The following IMMP2L variants were observed in gnomAD, a reference collection of about 807,000 sequenced individuals.
The protein encoded by IMMP2L is mitochondrial inner membrane protease subunit 2.
In IMMP2L, 18 loss-of-function variants were observed where a neutral mutation model predicts 19.3. The observed-to-expected ratio is 0.93, with a 90% CI of 0.64 to 1.38. The LOEUF (loss-of-function observed/expected upper bound fraction) is 1.38, where lower values mean the gene tolerates loss of function less well. Ranked by LOEUF, IMMP2L falls within the 40% of genes most tolerant of loss-of-function variation. The probability of loss-of-function intolerance (pLI) is 0.00; values close to 1 mark genes in which losing one functional copy is unlikely to be tolerated. For missense variants in IMMP2L, 233 were observed against 218.2 expected (o/e 1.07, Z -0.43); for synonymous variants, 76 against 73.0 (o/e 1.04, Z -0.21).
intron 5 of IMMP2L, among the ~76,000 whole-genome samples, chr7:110,682,401 T>A (rs1792788241): frequency 6.6e-6 from 1 of 152,172 alleles, no homozygotes; most frequent in African/African-American, 2.4e-5. Context: ...CTTGTGAGCT[T>A]CTTGAAGCAG....
At chr7:110,796,800 T>C (rs1011507046) in intron 5 of IMMP2L, among the ~76,000 whole-genome samples, 1 of 152,034 alleles carries the variant, frequency 6.6e-6, no homozygotes, top group Non-Finnish European at 1.5e-5. Flanking sequence ...TTTCAATACT[T>C]GGTTAATTAA....
At chr7:111,056,724 G>A (rs948690819) in intron 3 of IMMP2L, among the ~76,000 whole-genome samples, 1 of 152,180 alleles carries the variant, frequency 6.6e-6, no homozygotes, top group African/African-American at 2.4e-5. Context: ...TTAGAATAAT[G>A]TAAGCTGGAG....
intron 3 of IMMP2L, among the ~76,000 whole-genome samples, chr7:111,010,586 A>G (rs1000445231): frequency 1.1e-4 from 17 of 152,238 alleles, no homozygotes; most frequent in Non-Finnish European, 1.5e-4. Flanking sequence ...ACTACTGATC[A>G]CAGTTTACGA....
intron 5 of IMMP2L, among the ~76,000 whole-genome samples, chr7:110,816,165 G>C (rs1253480901): frequency 6.6e-6 from 1 of 152,060 alleles, no homozygotes; most frequent in African/African-American, 2.4e-5. Context: ...GGTATGTTGT[G>C]TTTTTGTTCT....
intron 3 of IMMP2L, among the ~76,000 whole-genome samples, chr7:111,133,320 G>A (rs1425589394): frequency 6.6e-6 from 1 of 152,014 alleles, no homozygotes; most frequent in African/African-American, 2.4e-5. Flanking sequence ...TTTGGGGGGA[G>A]TACAACATTC....
intron 5 of IMMP2L, among the ~76,000 whole-genome samples, chr7:110,820,267 T>A (rs1802906751): frequency 6.6e-6 from 1 of 152,096 alleles, no homozygotes; most frequent in African/African-American, 2.4e-5. Context: ...TCAAGTATCA[T>A]TAAATATTCT....
chr7:111,408,500 T>C (rs1563155450), intron 3 of IMMP2L, among the ~76,000 whole-genome samples: 1 of 151,698 alleles, frequency 6.6e-6, no homozygotes, highest in Non-Finnish European at 1.5e-5. Context: ...ATCTCTATAA[T>C]AAAGATTTTT....
chr7:110,891,935 G>C (rs145964252), intron 4 of IMMP2L, among the ~76,000 whole-genome samples: 4 of 152,086 alleles, frequency 2.6e-5, no homozygotes, highest in African/African-American at 9.7e-5. Context: ...AAGAAACAAG[G>C]AATAGATAAT....
At chr7:111,124,731 G>C in intron 3 of IMMP2L, 1 of 1,613,900 alleles carries the variant, frequency 6.2e-7, no homozygotes, top group South Asian at 1.1e-5. Flanking sequence ...CTCCAGAAAT[G>C]AACTGTGATG....
At chr7:111,470,391 C>A (rs1841129270) in intron 3 of IMMP2L, among the ~76,000 whole-genome samples, 2 of 151,966 alleles carry the variant, frequency 1.3e-5, no homozygotes, top group African/African-American at 4.8e-5. Flanking sequence ...ACCCAAAGGA[C>A]TATAAATCAT....
chr7:111,384,224 G>A (rs977465647), intron 3 of IMMP2L, among the ~76,000 whole-genome samples: 3 of 104,080 alleles, frequency 2.9e-5, no homozygotes, highest in Non-Finnish European at 4.0e-5. Context: ...GAGGAGAGAG[G>A]AGAAAGGAGA....
intron 3 of IMMP2L, among the ~76,000 whole-genome samples, chr7:111,309,602 C>A (rs1823278067): frequency 6.6e-6 from 1 of 151,890 alleles, no homozygotes; most frequent in African/African-American, 2.4e-5. Context: ...TCAATAGATA[C>A]AATATAGGGA....
intron 5 of IMMP2L, among the ~76,000 whole-genome samples, chr7:110,738,565 G>A (rs1390252936): frequency 3.3e-5 from 5 of 152,156 alleles, no homozygotes; most frequent in Non-Finnish European, 7.4e-5. Context: ...CAAGAAGTTC[G>A]GGACTATGTT....
chr7:111,089,117 A>G (rs906757982), intron 3 of IMMP2L, among the ~76,000 whole-genome samples: 1 of 152,188 alleles, frequency 6.6e-6, no homozygotes, highest in African/African-American at 2.4e-5. Flanking sequence ...ACAACTTCCT[A>G]TGAAATAATG....
At chr7:111,234,796 T>C (rs533150441) in intron 3 of IMMP2L, among the ~76,000 whole-genome samples, 97 of 152,262 alleles carry the variant, frequency 6.4e-4, no homozygotes, top group Admixed American at 1.8e-3. Flanking sequence ...TCAGGTAATA[T>C]TATACCACAT....
At chr7:111,484,875 C>T (rs1842493200) in intron 3 of IMMP2L, among the ~76,000 whole-genome samples, 1 of 152,140 alleles carries the variant, frequency 6.6e-6, no homozygotes, top group Non-Finnish European at 1.5e-5. Flanking sequence ...CAGTCTCGAC[C>T]TCCCAGGCTC....
chr7:111,438,746 T>A (rs773024057), intron 3 of IMMP2L, among the ~76,000 whole-genome samples: 1 of 151,872 alleles, frequency 6.6e-6, no homozygotes, highest in Non-Finnish European at 1.5e-5. Context: ...TCCCAGAAGA[T>A]AGATGTTGAC....
At chr7:110,666,770 T>C (rs1166664298) in intron 5 of IMMP2L, among the ~76,000 whole-genome samples, 2 of 152,230 alleles carry the variant, frequency 1.3e-5, no homozygotes, top group Admixed American at 1.3e-4. Context: ...TTTATTCATT[T>C]ATACTTTCCT....
At chr7:111,065,907 T>TGTGTGTGTGCGCGCGC (rs1563207452) in intron 3 of IMMP2L, among the ~76,000 whole-genome samples, 1 of 150,458 alleles carries the variant, frequency 6.6e-6, no homozygotes, top group African/African-American at 2.5e-5. Context: ...ACAATGTGTG[T>TGTGTGTGTGCGCGCGC]GTGTGTGCGC....
Sources: allele counts gnomAD v4.1 joint callset (sites outside exome capture counted in the v4.1 genomes callset), GRCh38; gene constraint gnomAD v4.1.1; transcripts MANE v1.5; gene names NCBI Gene and HGNC (gene_info 2026-07-23, HGNC 2026-07-21).